The following METTL15 variants were observed in gnomAD, a reference collection of about 807,000 sequenced individuals.
The protein encoded by METTL15 is methyltransferase 15, mitochondrial 12S rRNA N4-cytidine.
Under a neutral mutation model 38.3 loss-of-function variants are expected in METTL15, and 34 were observed. The ratio of observed to expected loss-of-function variants is 0.89; its 90% CI spans 0.68 to 1.18. METTL15 has a LOEUF of 1.18. Among genes scored for constraint, METTL15 ranks in the 50% most tolerant of loss-of-function variants. The pLI, the probability that METTL15 is intolerant of heterozygous loss-of-function variation, is 0.00. For missense variants in METTL15, 438 were observed against 498.4 expected (o/e 0.88, Z 1.15); for synonymous variants, 162 against 170.9 (o/e 0.95, Z 0.41).
chr11:28,229,571 C>G (rs765942741), intron 4 of METTL15, among the ~76,000 whole-genome samples: 1 of 152,060 alleles, frequency 6.6e-6, no homozygotes, highest in Non-Finnish European at 1.5e-5. Flanking sequence ...AATTAATGCT[C>G]TTATAAAAGA....
chr11:28,122,240 T>C, intron 3 of METTL15: 1 of 1,134,818 alleles, frequency 8.8e-7, no homozygotes, highest in Non-Finnish European at 1.1e-6. Context: ...TATAAAATGC[T>C]TTGTTCATAT....
At chr11:28,126,729 G>A (rs967480075) in intron 3 of METTL15, among the ~76,000 whole-genome samples, 1 of 152,110 alleles carries the variant, frequency 6.6e-6, no homozygotes, top group Non-Finnish European at 1.5e-5. Flanking sequence ...TACTGGATAT[G>A]CAATATAGAA....
intron 4 of METTL15, chr11:28,261,487 G>T: frequency 6.5e-6 from 1 of 155,022 alleles, no homozygotes. Flanking sequence ...TCAATGGGTT[G>T]ACATGTTGCA....
chr11:28,276,526 A>G (rs2133965854), intron 4 of METTL15, among the ~76,000 whole-genome samples: 1 of 152,298 alleles, frequency 6.6e-6, no homozygotes, highest in East Asian at 1.9e-4. Context: ...AAAGCAATCT[A>G]CAGATTTCAC....
At chr11:28,310,458 A>C (rs943231071) in intron 6 of METTL15, among the ~76,000 whole-genome samples, 1 of 152,082 alleles carries the variant, frequency 6.6e-6, no homozygotes, top group African/African-American at 2.4e-5. Flanking sequence ...CTAAAGGCCT[A>C]GTAATATTTC....
intron 5 of METTL15, among the ~76,000 whole-genome samples, chr11:28,384,202 A>T (rs1238249066): frequency 2.0e-5 from 3 of 151,908 alleles, no homozygotes; most frequent in Admixed American, 2.0e-4. Flanking sequence ...TCTTTATTCA[A>T]TCCACCATTA....
intron 6 of METTL15, among the ~76,000 whole-genome samples, chr11:28,470,722 C>G (rs1851296822): frequency 6.6e-6 from 1 of 152,030 alleles, no homozygotes; most frequent in Admixed American, 6.6e-5. Context: ...TGTAAGCACT[C>G]CCGTTTAACT....
At chr11:28,259,635 T>C (rs909179214) in intron 4 of METTL15, among the ~76,000 whole-genome samples, 1 of 152,200 alleles carries the variant, frequency 6.6e-6, no homozygotes, top group Non-Finnish European at 1.5e-5. Flanking sequence ...CTTTCTGCTG[T>C]AAAAGGGCAG....
At chr11:28,196,086 C>G (rs1438847317) in intron 3 of METTL15, among the ~76,000 whole-genome samples, 1 of 152,012 alleles carries the variant, frequency 6.6e-6, no homozygotes, top group Admixed American at 6.6e-5. Flanking sequence ...CAATATCATG[C>G]TGTTTTGGTT....
At chr11:28,219,187 C>G (rs986951930) in intron 4 of METTL15, among the ~76,000 whole-genome samples, 1 of 152,060 alleles carries the variant, frequency 6.6e-6, no homozygotes, top group Non-Finnish European at 1.5e-5. Flanking sequence ...TCTGTCTGGT[C>G]CTGGACTTTT....
rs1025632327 is a variant in METTL15 at position 28,293,194 on chromosome 11, A to C, written c.599+2797A>C. Among the ~76,000 whole-genome samples, 18 of 152,294 alleles carry C rather than the reference A, an allele frequency of 1.2e-4. No individual in the cohort carries two copies. The East Asian group carries it at 2.9e-3, about 25-fold the overall frequency. ...TAAGGTTTTTATGGTTTTAGGTCTA[A>C]CATTTAAGTCTTTAATCCATCTTGA... On this transcript the variant is annotated intron_variant, in intron 5 of 6. Transcript: ENST00000407364.
chr11:28,324,525 G>A (rs1590325035), intron 6 of METTL15, among the ~76,000 whole-genome samples: 1 of 152,186 alleles, frequency 6.6e-6, no homozygotes, highest in Non-Finnish European at 1.5e-5. Flanking sequence ...GTATAATTAA[G>A]TGCATGCAAT....
At chr11:28,483,055 TA>T (rs1369014128) in intron 6 of METTL15, among the ~76,000 whole-genome samples, 1 of 151,896 alleles carries the variant, frequency 6.6e-6, no homozygotes, top group African/African-American at 2.4e-5. Context: ...AAAATGCTGC[TA>T]ACCAGTCCCA....
At position 28,478,077 on chromosome 11, in the gene METTL15, T is replaced by C. The variant is rs1023420367; in HGVS notation, c.*425-48401T>C. The stretch of plus-strand genomic sequence containing the variant: ...TGGCCAAACTCTCTTATACCCCAGC[T>C]ATAAAACTTTATTTTATATTTTATT... On this transcript the variant is annotated intron_variant and NMD_transcript_variant, in intron 6 of 7. Coordinates refer to the METTL15 transcript ENST00000532947. 2.6e-5 allele frequency among the ~76,000 whole-genome samples: 4 copies of C among 152,206 alleles called. 1 individual carries two copies. Among genetic ancestry groups the C allele is most frequent in the Admixed American group, 1.3e-4 (2 of 15,274 alleles).
chr11:28,366,937 G>T (rs1850191877), intron 5 of METTL15, among the ~76,000 whole-genome samples: 1 of 152,116 alleles, frequency 6.6e-6, no homozygotes, highest in South Asian at 2.1e-4. Flanking sequence ...ATAAAGCCAA[G>T]AATAGCTGTA....
chr11:28,359,222 A>T (rs1850115105), intron 4 of METTL15, among the ~76,000 whole-genome samples: 1 of 152,156 alleles, frequency 6.6e-6, no homozygotes, highest in African/African-American at 2.4e-5. Context: ...GCTTAGGATA[A>T]GGTTCTCCAG....
chr11:28,421,912 A>G (rs1850823759), intron 5 of METTL15, among the ~76,000 whole-genome samples: 1 of 152,002 alleles, frequency 6.6e-6, no homozygotes, highest in South Asian at 2.1e-4. Flanking sequence ...CTTTTATGCT[A>G]ATGATATGAT....
chr11:28,152,883 C>G (rs777793812), intron 3 of METTL15, among the ~76,000 whole-genome samples: 6 of 152,044 alleles, frequency 3.9e-5, no homozygotes, highest in Admixed American at 1.3e-4. Flanking sequence ...GTAGATTATT[C>G]ATGAGTTTTC....
intron 3 of METTL15, among the ~76,000 whole-genome samples, chr11:28,159,121 A>T (rs1850363546): frequency 6.6e-6 from 1 of 152,074 alleles, no homozygotes; most frequent in Non-Finnish European, 1.5e-5. Context: ...CCACCAGGAG[A>T]CACAAAAATT....
Sources: allele counts gnomAD v4.1 joint callset (sites outside exome capture counted in the v4.1 genomes callset), GRCh38; gene constraint gnomAD v4.1.1; transcripts MANE v1.5; gene names NCBI Gene and HGNC (gene_info 2026-07-23, HGNC 2026-07-21).